Variants in MCC observed in about 807,000 individuals in gnomAD.
MCC encodes the protein MCC regulator of Wnt signaling pathway.
A neutral mutation model predicts 116.2 loss-of-function variants in MCC; 90 were observed. That is an observed-to-expected ratio of 0.77 (90% confidence interval 0.65 to 0.92). The LOEUF (loss-of-function observed/expected upper bound fraction) is 0.92, where lower values mean the gene tolerates loss of function less well. MCC is among the 40% of genes least tolerant of loss of function. MCC has a pLI of 0.00. For missense variants in MCC, 1,516 were observed against 1,312.2 expected (o/e 1.16, Z -2.40); for synonymous variants, 578 against 510.5 (o/e 1.13, Z -1.78).
chr5:113,411,578 AAT>A (rs1311422917), intron 1 of MCC, among the ~76,000 whole-genome samples: 9 of 151,632 alleles, frequency 5.9e-5, no homozygotes, highest in Non-Finnish European at 1.3e-4. Context: ...TTTCAGGAGT[AAT>A]TCTTAACTCC....
At chr5:113,029,891 G>A (rs979432210) in intron 17 of MCC, among the ~76,000 whole-genome samples, 4 of 152,186 alleles carry the variant, frequency 2.6e-5, no homozygotes, top group Admixed American at 1.3e-4. Context: ...GAGCCATGAC[G>A]CTCCCCCATG....
chr5:113,122,851 C>A lies in MCC; in HGVS notation c.885-25G>T, dbSNP rs573624119. 2.0e-5 allele frequency: 33 copies of A among 1,613,092 alleles called. No homozygotes were observed. The South Asian group carries it at 3.2e-4, about 16-fold the overall frequency. On this transcript the variant is annotated intron_variant, in intron 5 of 18. Coordinates refer to ENST00000408903, the MANE Select transcript of MCC (RefSeq NM_001085377.2). ...CCTGAGAAAAAAGGAGAATTGGCAA[C>A]CACTAACAGAGGATATAAGACAACC...
chr5:113,164,201 C>T (rs1760650605), intron 3 of MCC, among the ~76,000 whole-genome samples: 1 of 152,192 alleles, frequency 6.6e-6, no homozygotes, highest in South Asian at 2.1e-4. Context: ...GTCTACAGTG[C>T]TGCCTGCAGG....
chr5:113,410,618 T>G (rs1211037281), intron 1 of MCC, among the ~76,000 whole-genome samples: 1 of 152,234 alleles, frequency 6.6e-6, no homozygotes, highest in African/African-American at 2.4e-5. Flanking sequence ...CAACTCTTAT[T>G]TTTAAATTAT....
intron 3 of MCC, among the ~76,000 whole-genome samples, chr5:113,328,837 C>T (rs749554927): frequency 2.0e-5 from 3 of 152,126 alleles, no homozygotes; most frequent in Non-Finnish European, 2.9e-5. Flanking sequence ...ATTTCTGTTC[C>T]AATAGAGGAA....
At chr5:113,071,060 T>C in intron 12 of MCC, 34 bp downstream of exon 12, 1 of 1,600,356 alleles carries the variant, frequency 6.2e-7, no homozygotes, top group Non-Finnish European at 8.5e-7. Flanking sequence ...ACTTCTACCC[T>C]GAAGTAGCTC....
At position 113,325,915 on chromosome 5, in the gene MCC, C is replaced by G. The variant is rs552784229; in HGVS notation, c.627+14604G>C. ...CACATGATCTTAATGTATCTGAACT[C>G]TGGAAAACCAAAAGCTGGGAATCTG... is the stretch of plus-strand genomic sequence containing the variant. On this transcript the variant is annotated intron_variant, in intron 3 of 18. Transcript: ENST00000408903. Among the ~76,000 whole-genome samples the G allele has an allele frequency of 2.4e-4, 37 of 152,224 alleles. No individual in the cohort carries two copies. The South Asian group carries it at 7.1e-3, about 29-fold the overall frequency.
intron 17 of MCC, among the ~76,000 whole-genome samples, chr5:113,039,013 G>T (rs532600662): frequency 6.6e-6 from 1 of 152,098 alleles, no homozygotes; most frequent in African/African-American, 2.4e-5. Flanking sequence ...GCCTCCTGGA[G>T]GGCAGGGCGC....
chr5:113,216,501 G>A (rs1484421296), intron 3 of MCC, among the ~76,000 whole-genome samples: 1 of 152,138 alleles, frequency 6.6e-6, no homozygotes, highest in Non-Finnish European at 1.5e-5. Flanking sequence ...AACAGACGTG[G>A]CTCCTTGAGG....
intron 6 of MCC, among the ~76,000 whole-genome samples, chr5:113,118,082 C>T (rs1757494476): frequency 6.6e-6 from 1 of 152,202 alleles, no homozygotes; most frequent in South Asian, 2.1e-4. Context: ...AAGTGACTTA[C>T]CCTCTCCAAA....
intron 12 of MCC, among the ~76,000 whole-genome samples, chr5:113,069,813 C>G (rs1446781261): frequency 1.3e-5 from 2 of 152,156 alleles, no homozygotes; most frequent in African/African-American, 4.8e-5. Context: ...ATCTTGATCT[C>G]CTGACCTCGT....
chr5:113,061,053 C>A (rs10064486), intron 14 of MCC, among the ~76,000 whole-genome samples: 12,522 of 152,238 alleles, frequency 0.082, 724 homozygotes, highest in African/African-American at 0.16. Flanking sequence ...GAAACTTTAC[C>A]TTAATCCAGA....
At chr5:113,168,713 G>GT (rs1760905205) in intron 3 of MCC, among the ~76,000 whole-genome samples, 1 of 152,116 alleles carries the variant, frequency 6.6e-6, no homozygotes, top group East Asian at 1.9e-4. Flanking sequence ...TGCCATGTCT[G>GT]TTTTTTTAAT....
chr5:113,434,576 G>A lies in MCC; in HGVS notation c.171-49364C>T, dbSNP rs780965734. 1.5e-5 allele frequency: 24 copies of A among 1,613,714 alleles called. No homozygotes were observed. Among genetic ancestry groups the A allele is most frequent in the Admixed American group, 6.7e-5 (4 of 59,986 alleles). ...CGCCCTGGACCGCGAGCTCCATGAC[G>A]ATGTAGACCTTGCCATGTGATGTCT... On this transcript the variant is annotated intron_variant, in intron 1 of 18. Transcript: ENST00000408903. The surrounding 1 kb of genome is among the most constrained non-coding windows in gnomAD (Gnocchi z 4.2).
rs577322673 is a variant in MCC, at chr5:113,469,763, T to C, written c.170+18482A>G. 4.6e-5 allele frequency among the ~76,000 whole-genome samples: 7 copies of C among 152,312 alleles called. No individual in the cohort carries two copies. In the East Asian group the frequency reaches 7.7e-4, roughly 17 times the overall value. On this transcript the variant is annotated intron_variant, in intron 1 of 18. Transcript: ENST00000408903. ...GTTAACTTTCTGTCTCGTTGATCTG[T>C]CTAATGTTGACAGTGGGGTGTTAAA... is the stretch of plus-strand genomic sequence containing the variant.
rs147123161 is a variant in MCC at position 113,398,648 on chromosome 5, G to A, written c.171-13436C>T. 1.1e-4 allele frequency among the ~76,000 whole-genome samples: 17 copies of A among 152,284 alleles called. No homozygotes were observed. In the East Asian group the frequency reaches 3.1e-3, roughly 28 times the overall value. On this transcript the variant is annotated intron_variant, in intron 1 of 18. Transcript: ENST00000408903. The stretch of plus-strand genomic sequence containing the variant: ...AACAATGGGTACACATGCACATAAA[G>A]ATGGCAACGATAGACACTTGGGAGC...
intron 6 of MCC, among the ~76,000 whole-genome samples, chr5:113,107,844 A>G (rs1358324929): frequency 6.6e-6 from 1 of 152,158 alleles, no homozygotes; most frequent in African/African-American, 2.4e-5. Flanking sequence ...CTGCTTCCTG[A>G]GGGTGCTGGG....
chr5:113,070,109 T>C (rs1753933968), intron 12 of MCC, among the ~76,000 whole-genome samples: 2 of 152,240 alleles, frequency 1.3e-5, no homozygotes, highest in Non-Finnish European at 2.9e-5. Flanking sequence ...CACAGATGGA[T>C]TATCTGCTTG....
intron 3 of MCC, among the ~76,000 whole-genome samples, chr5:113,283,078 C>G (rs963431240): frequency 6.6e-6 from 1 of 152,244 alleles, no homozygotes; most frequent in Non-Finnish European, 1.5e-5. Flanking sequence ...GACAAAGCAT[C>G]AGAATGCTTC....
Sources: gnomAD v4.1 joint callset for allele counts (sites outside exome capture counted in the v4.1 genomes callset) on GRCh38, gnomAD v4.1.1 for gene constraint, Gnocchi (gnomAD v3.1) non-coding constraint, MANE v1.5 for transcripts, NCBI Gene and HGNC (gene_info 2026-07-23, HGNC 2026-07-21) for gene names.